The following SLC25A37 variants were observed in gnomAD, a reference collection of about 807,000 sequenced individuals.
The protein encoded by SLC25A37 is mitoferrin-1.
A neutral mutation model predicts 31.0 loss-of-function variants in SLC25A37; 17 were observed. The observed-to-expected ratio is 0.55, with a 90% CI of 0.38 to 0.82. The LOEUF (loss-of-function observed/expected upper bound fraction) is 0.82, where lower values mean the gene tolerates loss of function less well. Among genes scored for constraint, SLC25A37 ranks in the 40% least tolerant of loss-of-function variants. The probability of loss-of-function intolerance (pLI) is 0.00; values close to 1 mark genes in which losing one functional copy is unlikely to be tolerated. For synonymous variants in SLC25A37, 222 were observed against 193.0 expected (o/e 1.15, Z -1.24); for missense variants, 404 against 465.8 (o/e 0.87, Z 1.22).
chr8:23,561,047 G>A (rs565916618), intron 1 of SLC25A37, among the ~76,000 whole-genome samples: 1 of 152,306 alleles, frequency 6.6e-6, no homozygotes, highest in Admixed American at 6.5e-5. Context: ...TCATGGTCTT[G>A]CACTCAGTAA....
At chr8:23,533,661 T>A (rs1380441483) in intron 1 of SLC25A37, among the ~76,000 whole-genome samples, 1 of 152,244 alleles carries the variant, frequency 6.6e-6, no homozygotes, top group Non-Finnish European at 1.5e-5. Context: ...GCCTTCAGCA[T>A]CTTTCTTGAA....
At chr8:23,531,119 G>A (rs1397385156) in intron 1 of SLC25A37, among the ~76,000 whole-genome samples, 2 of 152,218 alleles carry the variant, frequency 1.3e-5, no homozygotes, top group Non-Finnish European at 1.5e-5. Context: ...AAGTCTTCTA[G>A]GTTCTGGGAT....
intron 1 of SLC25A37, among the ~76,000 whole-genome samples, chr8:23,534,409 T>G (rs1801722869): frequency 6.6e-6 from 1 of 152,222 alleles, no homozygotes; most frequent in Non-Finnish European, 1.5e-5. Context: ...CTTCTTCATG[T>G]CCTTACTTGT....
chr8:23,535,184 C>T (rs1801740586), intron 1 of SLC25A37, among the ~76,000 whole-genome samples: 1 of 152,200 alleles, frequency 6.6e-6, no homozygotes, highest in South Asian at 2.1e-4. Context: ...CCACCTGGGT[C>T]CTGGACAGCC....
intron 1 of SLC25A37, among the ~76,000 whole-genome samples, chr8:23,553,304 C>T (rs975661640): frequency 6.6e-6 from 1 of 152,138 alleles, no homozygotes; most frequent in Non-Finnish European, 1.5e-5. Context: ...CGCCTGTAAT[C>T]CCAGCTACTC....
intron 1 of SLC25A37, among the ~76,000 whole-genome samples, chr8:23,542,057 C>G (rs1464661553): frequency 3.3e-5 from 5 of 152,214 alleles, no homozygotes; most frequent in African/African-American, 1.2e-4. Flanking sequence ...TCATCCCCTG[C>G]CCTTCATTGA....
chr8:23,571,431 A>G lies in SLC25A37; in HGVS notation c.593A>G (p.Tyr198Cys). The G allele has an allele frequency of 2.5e-6, 4 of 1,613,780 alleles. No individual in the cohort carries two copies. Among genetic ancestry groups the G allele is most frequent in the Non-Finnish European group, 3.4e-6 (4 of 1,179,838 alleles). ...AGGACCGAGGGGTTGGGGGCCTTCT[A>G]CCGGAGCTACACCACGCAGCTGACC... ...VWRTEGLGAFYRSYTTQLTMN... is the reference protein window; with the variant it reads ...VWRTEGLGAFCRSYTTQLTMN... The change falls in exon 4 of 4, where the codon TAC (tyrosine) becomes TGC (cysteine). Residue 198 changes from tyrosine to cysteine, a missense_variant. By Grantham distance (194) the Tyr-to-Cys change is radical (BLOSUM62 -2). This residue lies in a region of SLC25A37 where 243 missense variants were observed against 284.4 expected (regional missense o/e 0.85). Coordinates refer to ENST00000519973, the MANE Select transcript of SLC25A37 (RefSeq NM_016612.4).
At chr8:23,564,712 T>C (rs1231266198) in intron 1 of SLC25A37, among the ~76,000 whole-genome samples, 1 of 152,186 alleles carries the variant, frequency 6.6e-6, no homozygotes, top group Non-Finnish European at 1.5e-5. Flanking sequence ...CAGCCTTTGG[T>C]TGAAGACCTT....
At chr8:23,554,173 A>C (rs2928668) in intron 1 of SLC25A37, among the ~76,000 whole-genome samples, 71,057 of 151,988 alleles carry the variant, frequency 0.47, 17,042 homozygotes, top group African/African-American at 0.58. Flanking sequence ...TCAGTTTCCC[A>C]ATTTGTGGAA....
At chr8:23,555,651 A>G (rs963297166) in intron 1 of SLC25A37, among the ~76,000 whole-genome samples, 7 of 152,244 alleles carry the variant, frequency 4.6e-5, no homozygotes, top group Admixed American at 1.3e-4. Context: ...CATCAGTGAC[A>G]GGTGGCAGGA....
intron 1 of SLC25A37, among the ~76,000 whole-genome samples, chr8:23,538,395 A>AC (rs1563251440): frequency 2.1e-5 from 3 of 142,930 alleles, no homozygotes; most frequent in African/African-American, 7.8e-5. Context: ...AAAAAAAAAA[A>AC]AAAAAAAAAA....
chr8:23,559,237 G>C (rs1056348486), intron 1 of SLC25A37, among the ~76,000 whole-genome samples: 5 of 152,188 alleles, frequency 3.3e-5, no homozygotes, highest in African/African-American at 1.2e-4. Context: ...TGCAAACGTG[G>C]AAACTGATTT....
At chr8:23,532,377 C>G (rs758442784) in intron 1 of SLC25A37, among the ~76,000 whole-genome samples, 1 of 152,142 alleles carries the variant, frequency 6.6e-6, no homozygotes, top group Non-Finnish European at 1.5e-5. Flanking sequence ...TAGGCGGGGT[C>G]TGGTGGCAGG....
chr8:23,539,098 G>T (rs1206085316), intron 1 of SLC25A37, among the ~76,000 whole-genome samples: 3 of 152,194 alleles, frequency 2.0e-5, no homozygotes, highest in Non-Finnish European at 2.9e-5. Flanking sequence ...AAGGGCCGTT[G>T]TCGGGTACTA....
At chr8:23,543,529 TCTGCAGG>T (rs1801954732) in intron 1 of SLC25A37, among the ~76,000 whole-genome samples, 1 of 152,178 alleles carries the variant, frequency 6.6e-6, no homozygotes, top group African/African-American at 2.4e-5. Context: ...AACTTCCAGT[TCTGCAGG>T]CTCCATTCAT....
chr8:23,541,902 T>G (rs1055835430), intron 1 of SLC25A37: 4 of 152,216 alleles, frequency 2.6e-5, no homozygotes, highest in African/African-American at 9.7e-5. Flanking sequence ...ACCCAGGGTG[T>G]GTCTTTAACT....
chr8:23,550,486 G>A (rs1054341065), intron 1 of SLC25A37, among the ~76,000 whole-genome samples: 6 of 152,232 alleles, frequency 3.9e-5, no homozygotes, highest in Non-Finnish European at 5.9e-5. Context: ...GGCTAATAGC[G>A]GGGTGTGCTT....
chr8:23,575,463 AGTGTT>A (rs1802956653), downstream of SLC25A37: 1 of 152,102 alleles, frequency 6.6e-6, no homozygotes, highest in South Asian at 2.1e-4. Flanking sequence ...TGATCTTCGA[AGTGTT>A]GTGGGCTCTG....
chr8:23,571,518 A>AC lies in SLC25A37; in HGVS notation c.685dup (p.His229ProfsTer31). On this transcript the variant is annotated frameshift_variant, in exon 4 of 4. Transcript: ENST00000519973. LOFTEE classifies it high-confidence loss of function. Reference sequence around the variant, plus strand: ...TATGAGTTCCTGCAGGAGCAGGTCAACCCCCACCGGACCTACAACCCGCAG... The same window carrying AC: ...TATGAGTTCCTGCAGGAGCAGGTCAACCCCCCACCGGACCTACAACCCGCAG... 2 of 1,613,456 alleles carry AC rather than the reference A, an allele frequency of 1.2e-6. No individual in the cohort carries two copies. The highest frequency in any genetic ancestry group is 1.7e-6 in the Non-Finnish European group (2 of 1,179,758).
Sources: gnomAD v4.1 joint callset for allele counts (sites outside exome capture counted in the v4.1 genomes callset) on GRCh38, gnomAD v4.1.1 for gene constraint, gnomAD v4.1.1 regional missense constraint, MANE v1.5 for transcripts, NCBI Gene and HGNC (gene_info 2026-07-23, HGNC 2026-07-21) for gene names.